Variants in ME1 observed in about 807,000 individuals in gnomAD.
The protein encoded by ME1 is NADP-dependent malic enzyme.
Under a neutral mutation model 66.4 loss-of-function variants are expected in ME1, and 74 were observed. The ratio of observed to expected loss-of-function variants is 1.11; its 90% CI spans 0.92 to 1.35. ME1 has a LOEUF of 1.35. Ranked by LOEUF, ME1 falls within the 40% of genes most tolerant of loss-of-function variation. The pLI, the probability that ME1 is intolerant of heterozygous loss-of-function variation, is 0.00. For missense variants in ME1, 750 were observed against 694.1 expected, an observed-to-expected ratio of 1.08 and a Z score of -0.90; for synonymous variants, 251 against 235.6, an observed-to-expected ratio of 1.07 and a Z score of -0.60.
At chr6:83,218,281 G>A (rs1434094570) in intron 12 of ME1, among the ~76,000 whole-genome samples, 1 of 152,240 alleles carries the variant, frequency 6.6e-6, no homozygotes, top group African/African-American at 2.4e-5. Context: ...GAGAGGCAGG[G>A]AAATTTGCTG....
chr6:83,393,019 T>A (rs1158020890), intron 3 of ME1: 6 of 1,127,186 alleles, frequency 5.3e-6, no homozygotes, highest in Non-Finnish European at 7.9e-6. Flanking sequence ...CTCCAGAACA[T>A]CCTCTCTGCC....
At chr6:83,309,967 C>T (rs1237382622) in intron 6 of ME1, among the ~76,000 whole-genome samples, 1 of 151,970 alleles carries the variant, frequency 6.6e-6, no homozygotes, top group Non-Finnish European at 1.5e-5. Context: ...TTTTCTTAAC[C>T]TATATACTCA....
At chr6:83,298,431 A>G (rs77977623) in intron 6 of ME1, among the ~76,000 whole-genome samples, 1 of 151,544 alleles carries the variant, frequency 6.6e-6, no homozygotes, top group African/African-American at 2.4e-5. Context: ...TTTATTGTAA[A>G]TTTGTTTAAG....
intron 6 of ME1, among the ~76,000 whole-genome samples, chr6:83,290,935 G>A (rs942555881): frequency 7.9e-5 from 12 of 151,772 alleles, no homozygotes; most frequent in Non-Finnish European, 1.6e-4. Context: ...GACCAGGATT[G>A]CAACCCCTGC....
intron 6 of ME1, among the ~76,000 whole-genome samples, chr6:83,267,512 A>C (rs1168137014): frequency 6.6e-6 from 1 of 152,226 alleles, no homozygotes; most frequent in East Asian, 1.9e-4. Context: ...GCCCAGTCAG[A>C]GGAGAACAGT....
intron 6 of ME1, among the ~76,000 whole-genome samples, chr6:83,262,839 G>A (rs183024152): frequency 3.0e-4 from 46 of 152,294 alleles, no homozygotes; most frequent in African/African-American, 1.0e-3. Context: ...AATGTAGTAA[G>A]ATACCTTCTA....
chr6:83,214,876 CA>C (rs1789961550), intron 13 of ME1, among the ~76,000 whole-genome samples: 1 of 152,064 alleles, frequency 6.6e-6, no homozygotes. Context: ...TCTGTGTATG[CA>C]CTCTGTATTC....
intron 6 of ME1, among the ~76,000 whole-genome samples, chr6:83,267,365 C>A (rs1246363912): frequency 1.3e-5 from 2 of 152,084 alleles, no homozygotes; most frequent in Admixed American, 1.3e-4. Flanking sequence ...AAAAAGTATA[C>A]TCAACAGAGA....
chr6:83,258,354 A>AGGGG (rs1472105460), intron 6 of ME1, among the ~76,000 whole-genome samples: 1 of 152,142 alleles, frequency 6.6e-6, no homozygotes, highest in East Asian at 1.9e-4. Context: ...TGCATCATAT[A>AGGGG]ATAAAAGAAA....
intron 9 of ME1, among the ~76,000 whole-genome samples, chr6:83,230,211 A>T (rs918336731): frequency 6.7e-6 from 1 of 149,616 alleles, no homozygotes; most frequent in Non-Finnish European, 1.5e-5. Context: ...GTTTTTGCTC[A>T]TGTTGCCCAG....
intron 3 of ME1, among the ~76,000 whole-genome samples, chr6:83,380,332 A>C (rs1254138304): frequency 2.0e-5 from 3 of 152,124 alleles, no homozygotes; most frequent in Non-Finnish European, 2.9e-5. Flanking sequence ...ATATCATGCT[A>C]AAGAGTTTGA....
At chr6:83,213,663 A>G in intron 13 of ME1, among the ~76,000 whole-genome samples, 1 of 152,062 alleles carries the variant, frequency 6.6e-6, no homozygotes, top group East Asian at 2.0e-4. Context: ...CACCGTGCCC[A>G]GCCGAATTCA....
chr6:83,249,185 G>A (rs1461517017), intron 7 of ME1, among the ~76,000 whole-genome samples: 2 of 151,874 alleles, frequency 1.3e-5, no homozygotes, highest in Non-Finnish European at 2.9e-5. Context: ...GTATATAGCT[G>A]CCATACTAAA....
rs1175921093 is a variant in ME1, at chr6:83,229,062, C to T, written c.1027-131G>A. The T allele has an allele frequency of 2.0e-5, 13 of 650,914 alleles. No individual in the cohort carries two copies. In the East Asian group the frequency reaches 3.2e-4, roughly 16 times the overall value. 40.3% of individuals were successfully genotyped at this position (650,914 alleles called of 1,614,324 possible). The stretch of plus-strand genomic sequence containing the variant: ...GATGTGTTACAGCTATTCTTAAAAT[C>T]TCTTCTTCAATTGTCAGAATGTTAT... On this transcript the variant is annotated intron_variant, in intron 9 of 13. Transcript: ENST00000369705.
At chr6:83,387,021 A>G (rs1020735148) in intron 3 of ME1, among the ~76,000 whole-genome samples, 5 of 152,124 alleles carry the variant, frequency 3.3e-5, no homozygotes, top group South Asian at 4.1e-4. Context: ...ATTGACTAAG[A>G]CAGTGCCACA....
intron 13 of ME1, among the ~76,000 whole-genome samples, chr6:83,215,214 G>C (rs879207541): frequency 2.0e-5 from 3 of 152,124 alleles, no homozygotes; most frequent in Admixed American, 6.5e-5. Flanking sequence ...GTGTTGTTTA[G>C]ATAACTTGCT....
chr6:83,414,817 T>C (rs1446901410), intron 1 of ME1, among the ~76,000 whole-genome samples: 1 of 152,086 alleles, frequency 6.6e-6, no homozygotes, highest in African/African-American at 2.4e-5. Flanking sequence ...ATTTGAAAAA[T>C]TTCAAAAGCT....
chr6:83,322,473 A>C (rs1452381280), intron 5 of ME1, among the ~76,000 whole-genome samples: 1 of 152,138 alleles, frequency 6.6e-6, no homozygotes, highest in African/African-American at 2.4e-5. Context: ...GACCTGATGG[A>C]CCTGAAAAAC....
intron 5 of ME1, among the ~76,000 whole-genome samples, chr6:83,321,731 A>G (rs766983359): frequency 5.3e-5 from 8 of 152,194 alleles, no homozygotes; most frequent in Non-Finnish European, 7.3e-5. Context: ...CAGCTTCAGC[A>G]GACTTAAACT....
Sources: allele counts gnomAD v4.1 joint callset (sites outside exome capture counted in the v4.1 genomes callset), GRCh38; gene constraint gnomAD v4.1.1; transcripts MANE v1.5; gene names NCBI Gene and HGNC (gene_info 2026-07-23, HGNC 2026-07-21).